DPYSL2: variants seen among roughly 807,000 people sequenced by gnomAD.
The protein encoded by DPYSL2 is dihydropyrimidinase like 2.
DPYSL2 carries 13 observed loss-of-function variants against 69.9 expected under a neutral mutation model. The observed-to-expected ratio is 0.19, with a 90% CI of 0.12 to 0.30. The LOEUF is 0.30. DPYSL2 is among the 10% of genes least tolerant of loss of function. DPYSL2 has a pLI of 1.00. For missense variants in DPYSL2, 587 were observed against 918.9 expected, an observed-to-expected ratio of 0.64 and a Z score of 4.67; for synonymous variants, 326 against 359.1, an observed-to-expected ratio of 0.91 and a Z score of 1.04.
intron 8 of DPYSL2, among the ~76,000 whole-genome samples, chr8:26,639,946 A>G (rs1375080070): frequency 6.6e-6 from 1 of 152,196 alleles, no homozygotes; most frequent in Non-Finnish European, 1.5e-5. Flanking sequence ...TTGCTACGAA[A>G]ACCTGACAGC....
rs996458528 is a variant in DPYSL2, at chr8:26,597,296, C to T, written c.628+13313C>T. ...GGAGGCCCGGGAGCCTTCTTCCATG[C>T]GGGGCCAGATTGAGCTGATTTCTGT... On this transcript the variant is annotated intron_variant, in intron 3 of 13. Transcript: ENST00000521913. This position sits in a 1 kb window ranked among gnomAD's most constrained non-coding sequence, Gnocchi z 5.2. Among the ~76,000 whole-genome samples, 11 of 152,196 alleles carry T rather than the reference C, an allele frequency of 7.2e-5. No homozygotes were observed. The highest frequency in any genetic ancestry group is 2.4e-4 in the African/African-American group (10 of 41,440).
intron 3 of DPYSL2, among the ~76,000 whole-genome samples, chr8:26,608,389 T>C (rs939108123): frequency 5.9e-5 from 9 of 152,238 alleles, no homozygotes; most frequent in South Asian, 2.1e-4. Context: ...GGTTTTGGCA[T>C]TGAAGTACTT....
chr8:26,615,628 C>T (rs1802328918), intron 3 of DPYSL2, among the ~76,000 whole-genome samples: 1 of 152,004 alleles, frequency 6.6e-6, no homozygotes, highest in South Asian at 2.1e-4. Context: ...TATACCAGTC[C>T]CCCTGCTTGC....
At chr8:26,575,759 G>C (rs982467117) in intron 1 of DPYSL2, among the ~76,000 whole-genome samples, 7 of 152,272 alleles carry the variant, frequency 4.6e-5, no homozygotes, top group Admixed American at 2.6e-4. Flanking sequence ...CAACAGGGAC[G>C]GGGGTAGGGA....
chr8:26,622,125 C>A (rs1802498349), intron 3 of DPYSL2, among the ~76,000 whole-genome samples: 1 of 51,092 alleles, frequency 2.0e-5, no homozygotes, highest in South Asian at 6.0e-4. Flanking sequence ...TTCCTTCCTT[C>A]CTTCCTTCCT....
At chr8:26,557,019 C>T (rs1283380216) in intron 1 of DPYSL2, among the ~76,000 whole-genome samples, 1 of 152,010 alleles carries the variant, frequency 6.6e-6, no homozygotes, top group African/African-American at 2.4e-5. Flanking sequence ...CTGGCCAACC[C>T]CATGCAAAAA....
chr8:26,558,685 G>A (rs1585508568), intron 1 of DPYSL2, among the ~76,000 whole-genome samples: 1 of 152,156 alleles, frequency 6.6e-6, no homozygotes, highest in African/African-American at 2.4e-5. Flanking sequence ...GAGAAACAGT[G>A]TTTGCCTTGT....
intron 1 of DPYSL2, among the ~76,000 whole-genome samples, chr8:26,558,428 G>T (rs982504702): frequency 6.6e-6 from 1 of 152,204 alleles, no homozygotes; most frequent in Non-Finnish European, 1.5e-5. Flanking sequence ...GCTTGGGGAA[G>T]GGGTGAGTGG....
At chr8:26,639,622 C>T (rs1046897038) in intron 8 of DPYSL2, among the ~76,000 whole-genome samples, 6 of 152,152 alleles carry the variant, frequency 3.9e-5, no homozygotes, top group African/African-American at 1.4e-4. Context: ...ATTCATTCTT[C>T]TTTTTTCCCC....
rs1286766973 is a variant in DPYSL2 at position 26,640,242 on chromosome 8, C to T, written c.1127-3197C>T. On this transcript the variant is annotated intron_variant, in intron 8 of 13. Transcript: ENST00000521913. This position sits in a 1 kb window ranked among gnomAD's most constrained non-coding sequence, Gnocchi z 4.2. ...TTCATGAATGCACACGGGCCCCAGA[C>T]TGGTTGTAAATAAGCACCAGCTCCC... is the stretch of plus-strand genomic sequence containing the variant. Among the ~76,000 whole-genome samples, 2 of 152,230 alleles carry T rather than the reference C, an allele frequency of 1.3e-5. No homozygotes were observed. The highest frequency in any genetic ancestry group is 4.8e-5 in the African/African-American group (2 of 41,450).
intron 1 of DPYSL2, among the ~76,000 whole-genome samples, chr8:26,520,117 T>C (rs1026294224): frequency 2.0e-5 from 3 of 152,152 alleles, no homozygotes; most frequent in African/African-American, 7.2e-5. Context: ...TTTATAAGGG[T>C]TTTCCCCTTT....
At position 26,587,668 on chromosome 8, in the gene DPYSL2, G is replaced by A. The variant is rs1801635801; in HGVS notation, c.628+3685G>A. Among the ~76,000 whole-genome samples, 1 of 152,112 alleles carries A rather than the reference G, an allele frequency of 6.6e-6. No individual in the cohort carries two copies. Among genetic ancestry groups the A allele is most frequent in the Non-Finnish European group, 1.5e-5 (1 of 68,008 alleles). The stretch of plus-strand genomic sequence containing the variant: ...CTTTATGAGGCGGACTCAGTGTGGA[G>A]CAGGGGGAACGCCCTTTGCCCTTTC... On this transcript the variant is annotated intron_variant, in intron 3 of 13. Coordinates refer to ENST00000521913, the MANE Select transcript of DPYSL2 (RefSeq NM_001197293.3). The surrounding 1 kb of genome is among the most constrained non-coding windows in gnomAD (Gnocchi z 4.2).
chr8:26,540,368 GA>G (rs969462271), intron 1 of DPYSL2, among the ~76,000 whole-genome samples: 1 of 152,104 alleles, frequency 6.6e-6, no homozygotes, highest in African/African-American at 2.4e-5. Context: ...GGATTTATAG[GA>G]CACCATTAAG....
chr8:26,629,673 T>C (rs944185897), intron 7 of DPYSL2, among the ~76,000 whole-genome samples: 104 of 152,344 alleles, frequency 6.8e-4, no homozygotes, highest in African/African-American at 2.4e-3. Flanking sequence ...TGGACAGTGA[T>C]TGCAGGGGAC....
In DPYSL2 at chr8:26,640,119, C is replaced by A. The variant is rs1585567042; in HGVS notation, c.1127-3320C>A. On this transcript the variant is annotated intron_variant, in intron 8 of 13. Transcript: ENST00000521913. The surrounding 1 kb of genome is among the most constrained non-coding windows in gnomAD (Gnocchi z 4.2). ...CTACAGATACTGATTTCCCACAGTTCCCACTTTGGATTTGTTCTCCTGCTT... is the reference window on the plus strand; with the variant it reads ...CTACAGATACTGATTTCCCACAGTTACCACTTTGGATTTGTTCTCCTGCTT... 1.3e-5 allele frequency among the ~76,000 whole-genome samples: 2 copies of A among 152,318 alleles called. No individual in the cohort carries two copies. The highest frequency in any genetic ancestry group is 4.1e-4 in the South Asian group (2 of 4,824).
Position 26,634,815 on chromosome 8 carries a change from C to G in DPYSL2, c.1041C>G (p.Ile347Met). 1 of 1,614,222 alleles carries G rather than the reference C, an allele frequency of 6.2e-7. No homozygotes were observed. Residue 347 changes from isoleucine to methionine, a missense_variant, in exon 8 of 14, where the codon ATC (isoleucine) becomes ATG (methionine). This residue lies in a region of DPYSL2 where 452 missense variants were observed against 754.3 expected (regional missense o/e 0.60). Transcript: ENST00000521913. ...AAGCCGTGAATCGTGCCATCACCATCGCCAACCAGACCAACTGCCCGCTGT... is the reference window on the plus strand; with the variant it reads ...AAGCCGTGAATCGTGCCATCACCATGGCCAACCAGACCAACTGCCCGCTGT... ...EAEAVNRAIT[I>M]ANQTNCPLYI...
intron 1 of DPYSL2, among the ~76,000 whole-genome samples, chr8:26,542,683 C>T (rs1800704899): frequency 6.6e-6 from 1 of 152,156 alleles, no homozygotes; most frequent in South Asian, 2.1e-4. Flanking sequence ...GCCTCATCCT[C>T]ATAAAGTGTT....
Position 26,647,217 on chromosome 8 carries a change from G to A in DPYSL2, c.1426-413G>A, listed in dbSNP as rs1197432167. ...CCTCATGGTTACATCTTATATAAAT[G>A]TAGAACAATATCAAAACCAGGACAC... On this transcript the variant is annotated intron_variant, in intron 10 of 13. Coordinates refer to ENST00000521913, the MANE Select transcript of DPYSL2 (RefSeq NM_001197293.3). The surrounding 1 kb of genome is among the most constrained non-coding windows in gnomAD (Gnocchi z 5.1). 6.6e-6 allele frequency among the ~76,000 whole-genome samples: 1 copy of A among 152,188 alleles called. No homozygotes were observed. Among genetic ancestry groups the A allele is most frequent in the Non-Finnish European group, 1.5e-5 (1 of 68,036 alleles).
Position 26,514,797 on chromosome 8 carries a change from T to C in DPYSL2, c.354+118T>C. On this transcript the variant is annotated intron_variant, in intron 1 of 13. Coordinates refer to ENST00000521913, the MANE Select transcript of DPYSL2 (RefSeq NM_001197293.3). The surrounding 1 kb of genome is among the most constrained non-coding windows in gnomAD (Gnocchi z 8.4). The stretch of plus-strand genomic sequence containing the variant: ...CGCCCTGGACCTCGCCTCCCGCATC[T>C]GCACGCGCACCCCGCCCTACCCGCC... 1 of 927,700 alleles carries C rather than the reference T, an allele frequency of 1.1e-6. No homozygotes were observed. Among genetic ancestry groups the C allele is most frequent in the Non-Finnish European group, 1.5e-6 (1 of 674,540 alleles). The allele number at this position is 927,700 out of a possible 1,614,324, so 57.5% of individuals were successfully genotyped here. A position where few individuals can be genotyped will look rare whatever the true frequency, so the allele number is the denominator to read the frequency against.
Sources: allele counts gnomAD v4.1 joint callset (sites outside exome capture counted in the v4.1 genomes callset), GRCh38; gene constraint gnomAD v4.1.1; regional missense constraint gnomAD v4.1.1; non-coding constraint Gnocchi (gnomAD v3.1); transcripts MANE v1.5; gene names NCBI Gene and HGNC (gene_info 2026-07-23, HGNC 2026-07-21).